STPG2: variants seen among roughly 807,000 people sequenced by gnomAD.
STPG2 encodes sperm tail PG-rich repeat containing 2.
Under a neutral mutation model 54.2 loss-of-function variants are expected in STPG2, and 56 were observed. The ratio of observed to expected loss-of-function variants is 1.03; its 90% CI spans 0.83 to 1.29. STPG2 has a LOEUF of 1.29. Ranked by LOEUF, STPG2 falls within the 50% of genes most tolerant of loss-of-function variation. The pLI is 0.00. For synonymous variants in STPG2, 200 were observed against 181.8 expected (o/e 1.10, Z -0.81); for missense variants, 596 against 544.9 (o/e 1.09, Z -0.93).
At chr4:97,564,141 G>C (rs1418468772) in intron 10 of STPG2, among the ~76,000 whole-genome samples, 1 of 151,340 alleles carries the variant, frequency 6.6e-6, no homozygotes, top group African/African-American at 2.4e-5. Context: ...TATATATTTA[G>C]GATAGTTAGC....
intron 4 of STPG2, among the ~76,000 whole-genome samples, chr4:97,469,196 A>G (rs1214624962): frequency 6.6e-6 from 1 of 152,100 alleles, no homozygotes; most frequent in African/African-American, 2.4e-5. Flanking sequence ...TTATTGGCTA[A>G]AGGGAATGCT....
intron 4 of STPG2, among the ~76,000 whole-genome samples, chr4:97,534,325 G>T (rs1731481784): frequency 6.6e-6 from 1 of 151,988 alleles, no homozygotes; most frequent in Non-Finnish European, 1.5e-5. Context: ...ATTATATGCG[G>T]TTTTTCAAGT....
intron 10 of STPG2, among the ~76,000 whole-genome samples, chr4:97,642,110 C>T (rs1393869908): frequency 1.3e-5 from 2 of 151,242 alleles, no homozygotes; most frequent in African/African-American, 4.8e-5. Flanking sequence ...TTTTACTATG[C>T]AACATAAACA....
intron 10 of STPG2, among the ~76,000 whole-genome samples, chr4:97,674,929 T>C (rs1722796149): frequency 6.6e-6 from 1 of 152,184 alleles, no homozygotes; most frequent in Non-Finnish European, 1.5e-5. Flanking sequence ...TACTAACTGT[T>C]ATTACCTAAG....
intron 5 of STPG2, among the ~76,000 whole-genome samples, chr4:98,089,264 T>A (rs565542518): frequency 9.2e-5 from 14 of 152,258 alleles, no homozygotes; most frequent in African/African-American, 2.9e-4. Context: ...CTTTGCAGCC[T>A]CGTAGCTTAG....
At chr4:97,558,610 T>C (rs946163805), downstream of STPG2, among the ~76,000 whole-genome samples, 2 of 152,120 alleles carry the variant, frequency 1.3e-5, no homozygotes, top group Admixed American at 1.3e-4. Context: ...AAACTAAAGC[T>C]TCAGTCTGAC....
At chr4:97,633,764 C>T (rs926687764) in intron 10 of STPG2, 10 of 153,912 alleles carry the variant, frequency 6.5e-5, no homozygotes, top group Non-Finnish European at 1.2e-4. Context: ...CACTCCCACC[C>T]GAATACTGCG....
intron 1 of STPG2, among the ~76,000 whole-genome samples, chr4:98,136,965 G>A (rs1275482991): frequency 1.3e-5 from 2 of 151,514 alleles, no homozygotes; most frequent in East Asian, 3.9e-4. Flanking sequence ...TGAGATAAAT[G>A]GAAAGCAAAT....
At position 97,939,716 on chromosome 4, in the gene STPG2, T is replaced by A. The variant is rs993565166; in HGVS notation, c.1044+4181A>T. On this transcript the variant is annotated intron_variant, in intron 8 of 10. Coordinates refer to ENST00000295268, the MANE Select transcript of STPG2 (RefSeq NM_174952.3). ...AGTCATTACATGTAAGATGGGTCAC[T>A]TGAAAACAGCATACAATTGGGTCTT... 3.9e-5 allele frequency among the ~76,000 whole-genome samples: 6 copies of A among 152,328 alleles called. No individual in the cohort carries two copies. In the East Asian group the frequency reaches 1.2e-3, roughly 29 times the overall value.
At chr4:97,554,506 G>A (rs1407845062), downstream of STPG2, among the ~76,000 whole-genome samples, 6 of 152,088 alleles carry the variant, frequency 3.9e-5, no homozygotes, top group East Asian at 5.8e-4. Context: ...GTTTGCCATC[G>A]CCACAGTTGC....
chr4:97,974,141 C>T (rs1340237870), intron 6 of STPG2, among the ~76,000 whole-genome samples: 9 of 152,306 alleles, frequency 5.9e-5, no homozygotes, highest in African/African-American at 1.7e-4. Flanking sequence ...ATGTGAGACA[C>T]GGAGTCAAAG....
intron 10 of STPG2, among the ~76,000 whole-genome samples, chr4:97,573,149 T>C (rs892389380): frequency 8.5e-5 from 13 of 152,136 alleles, no homozygotes; most frequent in Non-Finnish European, 1.3e-4. Flanking sequence ...TTTTCTTCTT[T>C]ACCTCAAGTT....
At chr4:97,962,250 G>T (rs1733916017) in intron 7 of STPG2, among the ~76,000 whole-genome samples, 1 of 152,000 alleles carries the variant, frequency 6.6e-6, no homozygotes, top group South Asian at 2.1e-4. Flanking sequence ...TACAAATTGG[G>T]TGCAGTGTAT....
At chr4:97,690,922 C>T (rs1723343529) in intron 10 of STPG2, among the ~76,000 whole-genome samples, 1 of 152,126 alleles carries the variant, frequency 6.6e-6, no homozygotes, top group Admixed American at 6.6e-5. Context: ...TTGAATCAAT[C>T]CTCTCAGAAA....
At chr4:97,454,501 C>G (rs1729461277) in intron 4 of STPG2, among the ~76,000 whole-genome samples, 1 of 113,596 alleles carries the variant, frequency 8.8e-6, no homozygotes, top group South Asian at 2.9e-4. Flanking sequence ...GCCTGGGCGA[C>G]AGAGCGAGAC....
intron 10 of STPG2, among the ~76,000 whole-genome samples, chr4:97,701,605 A>G (rs1723776640): frequency 1.3e-5 from 2 of 152,274 alleles, no homozygotes; most frequent in South Asian, 4.1e-4. Context: ...AACCTGCTCA[A>G]GTCTGGAAAT....
chr4:98,094,314 C>T (rs1385324807), intron 5 of STPG2, among the ~76,000 whole-genome samples: 2 of 152,166 alleles, frequency 1.3e-5, no homozygotes, highest in Non-Finnish European at 2.9e-5. Context: ...TGATTCATTA[C>T]CTGCTGACTA....
chr4:97,693,136 T>TAAAA (rs35469387), intron 10 of STPG2, among the ~76,000 whole-genome samples: 1 of 133,080 alleles, frequency 7.5e-6, no homozygotes, highest in Non-Finnish European at 1.7e-5. Context: ...ATAACAATGA[T>TAAAA]AAAAAAAAAA....
intron 8 of STPG2, among the ~76,000 whole-genome samples, chr4:97,886,439 T>A (rs1188182193): frequency 6.6e-6 from 1 of 152,162 alleles, no homozygotes; most frequent in South Asian, 2.1e-4. Flanking sequence ...CAATAAAATG[T>A]GTTGTCAACA....
Sources: gnomAD v4.1 joint callset for allele counts (sites outside exome capture counted in the v4.1 genomes callset) on GRCh38, gnomAD v4.1.1 for gene constraint, MANE v1.5 for transcripts, NCBI Gene and HGNC (gene_info 2026-07-23, HGNC 2026-07-21) for gene names.